SNAP91: variants seen among roughly 807,000 people sequenced by gnomAD.
SNAP91 encodes synaptosome associated protein 91.
SNAP91 carries 27 observed loss-of-function variants against 100.3 expected under a neutral mutation model. The observed-to-expected ratio is 0.27, with a 90% confidence interval of 0.20 to 0.37. The LOEUF is 0.37. Among genes scored for constraint, SNAP91 ranks in the 10% least tolerant of loss-of-function variants. The probability of loss-of-function intolerance (pLI) is 1.00; values close to 1 mark genes in which losing one functional copy is unlikely to be tolerated. For synonymous variants in SNAP91, 404 were observed against 398.6 expected (o/e 1.01, Z -0.16); for missense variants, 986 against 1,123.7 (o/e 0.88, Z 1.75).
intron 8 of SNAP91, among the ~76,000 whole-genome samples, chr6:83,626,328 C>T (rs2096928114): frequency 6.6e-6 from 1 of 151,952 alleles, no homozygotes; most frequent in Non-Finnish European, 1.5e-5. Flanking sequence ...CTTAAGATTG[C>T]TTTGGCTATT....
At chr6:83,615,368 C>T (rs1024653465) in intron 10 of SNAP91, among the ~76,000 whole-genome samples, 1 of 152,160 alleles carries the variant, frequency 6.6e-6, no homozygotes, top group South Asian at 2.1e-4. Flanking sequence ...TTAACTTTAG[C>T]GGATGTACAT....
At chr6:83,680,665 T>G (rs1420874670) in intron 2 of SNAP91, among the ~76,000 whole-genome samples, 1 of 152,122 alleles carries the variant, frequency 6.6e-6, no homozygotes, top group Non-Finnish European at 1.5e-5. Context: ...CTAGAACAAG[T>G]TTCTTAGCCT....
rs968046591 is a variant in SNAP91 at position 83,593,459 on chromosome 6, A to C, written c.1696+19T>G. On this transcript the variant is annotated intron_variant, in intron 18 of 29. Coordinates refer to ENST00000369694, the MANE Select transcript of SNAP91 (RefSeq NM_001242792.2). Reference sequence around the variant, plus strand: ...ATCCACTAGACGGAAAGAGGTCGACAACAATAACAAAAAATTACCACCAAA... The same window carrying C: ...ATCCACTAGACGGAAAGAGGTCGACCACAATAACAAAAAATTACCACCAAA... 2 of 1,548,530 alleles carry C rather than the reference A, an allele frequency of 1.3e-6. No homozygotes were observed. The highest frequency in any genetic ancestry group is 1.7e-6 in the Non-Finnish European group (2 of 1,144,364).
At chr6:83,675,192 G>A (rs187764967) in intron 2 of SNAP91, among the ~76,000 whole-genome samples, 24 of 152,220 alleles carry the variant, frequency 1.6e-4, no homozygotes, top group Non-Finnish European at 2.9e-4. Context: ...GAGATAAAGG[G>A]GAGCAGCTTA....
chr6:83,654,813 G>A (rs1385172043), intron 7 of SNAP91, among the ~76,000 whole-genome samples: 1 of 152,120 alleles, frequency 6.6e-6, no homozygotes, highest in East Asian at 1.9e-4. Context: ...CTAATGTGCA[G>A]GTTTCCAGAT....
At chr6:83,673,381 G>A (rs2128850091) in intron 2 of SNAP91, among the ~76,000 whole-genome samples, 1 of 152,230 alleles carries the variant, frequency 6.6e-6, no homozygotes, top group South Asian at 2.1e-4. Context: ...GGCACAATGA[G>A]AAGTCAGCAG....
intron 13 of SNAP91, 72 bp from the exon 14 acceptor site, chr6:83,605,875 A>T (rs2095577869): frequency 8.4e-7 from 1 of 1,195,750 alleles, no homozygotes; most frequent in Non-Finnish European, 1.2e-6. Context: ...GAATAAAGAC[A>T]TGCAGAAATC....
chr6:83,653,990 C>G (rs1200267767), intron 7 of SNAP91, among the ~76,000 whole-genome samples: 1 of 152,128 alleles, frequency 6.6e-6, no homozygotes, highest in African/African-American at 2.4e-5. Context: ...AGTGCTCTGG[C>G]ATATTTCAAA....
At chr6:83,660,067 T>C (rs968524934) in intron 5 of SNAP91, among the ~76,000 whole-genome samples, 7 of 152,190 alleles carry the variant, frequency 4.6e-5, no homozygotes, top group Non-Finnish European at 1.0e-4. Flanking sequence ...CCAGATGATG[T>C]GGACATGCTG....
chr6:83,600,818 C>G (rs2095106691), intron 16 of SNAP91, among the ~76,000 whole-genome samples: 1 of 152,182 alleles, frequency 6.6e-6, no homozygotes, highest in Non-Finnish European at 1.5e-5. Flanking sequence ...CTGAATTACT[C>G]TTAGATTATT....
chr6:83,567,318 C>A (rs971215), intron 26 of SNAP91, among the ~76,000 whole-genome samples: 49,687 of 152,066 alleles, frequency 0.33, 9,856 homozygotes, highest in Non-Finnish European at 0.44. Flanking sequence ...CAAATGTCTT[C>A]CCACTTGTTC....
chr6:83,587,751 A>T (rs1449816187), intron 22 of SNAP91, among the ~76,000 whole-genome samples: 1 of 152,202 alleles, frequency 6.6e-6, no homozygotes, highest in African/African-American at 2.4e-5. Flanking sequence ...GTTTATTAGC[A>T]GAATTTTTTT....
intron 2 of SNAP91, among the ~76,000 whole-genome samples, chr6:83,675,457 A>C (rs1171904798): frequency 6.6e-6 from 1 of 152,122 alleles, no homozygotes; most frequent in African/African-American, 2.4e-5. Context: ...TAGTTTCTAA[A>C]CTATTTCAGT....
chr6:83,707,956 T>C lies in SNAP91; in HGVS notation c.-29A>G. ...CTGTGGTCGCGTCTACCGCCTCCTC[T>C]TCTGCAGGAAACAAGGGGAGACGGT... On this transcript the variant is annotated splice_region_variant and 5_prime_UTR_variant, in exon 2 of 30. Transcript: ENST00000369694. 1 of 1,554,228 alleles carries C rather than the reference T, an allele frequency of 6.4e-7. No homozygotes were observed. The highest frequency in any genetic ancestry group is 2.1e-5 in the Admixed American group (1 of 47,760).
chr6:83,701,005 A>G (rs2099293857), intron 2 of SNAP91, among the ~76,000 whole-genome samples: 1 of 152,214 alleles, frequency 6.6e-6, no homozygotes, highest in African/African-American at 2.4e-5. Flanking sequence ...TCCGATAGCA[A>G]TTCTAAGATT....
At chr6:83,685,402 G>A (rs1013297384) in intron 2 of SNAP91, among the ~76,000 whole-genome samples, 12 of 152,126 alleles carry the variant, frequency 7.9e-5, no homozygotes, top group Admixed American at 3.3e-4. Flanking sequence ...TAAATACTTC[G>A]GCTTTCCTTG....
chr6:83,617,973 G>A (rs2096568430), intron 9 of SNAP91, among the ~76,000 whole-genome samples: 1 of 151,734 alleles, frequency 6.6e-6, no homozygotes, highest in Non-Finnish European at 1.5e-5. Context: ...TTAAATTAAT[G>A]TGAAATTAAT....
chr6:83,601,429 G>C lies in SNAP91; in HGVS notation c.1166C>G (p.Ala389Gly), dbSNP rs574062507. Reference protein sequence around the residue: ...WGDLLGEDSLAALSSVPSEAQ... With the variant: ...WGDLLGEDSLGALSSVPSEAQ... ...TTCAGAGGGAACAGAGGAAAGTGCAGCCAAAGAATCTATATTTCACCAGAG... is the reference window on the plus strand; with the variant it reads ...TTCAGAGGGAACAGAGGAAAGTGCACCCAAAGAATCTATATTTCACCAGAG... The change falls in exon 16 of 30, where the codon GCT becomes GGT. Residue 389 changes from alanine to glycine, a missense_variant. Transcript: ENST00000369694. 6.2e-7 allele frequency: 1 copy of C among 1,613,602 alleles called. No homozygotes were observed. The highest frequency in any genetic ancestry group is 1.3e-5 in the African/African-American group (1 of 75,036).
At chr6:83,666,738 T>C (rs961907264) in intron 2 of SNAP91, among the ~76,000 whole-genome samples, 2 of 152,128 alleles carry the variant, frequency 1.3e-5, no homozygotes, top group African/African-American at 4.8e-5. Flanking sequence ...TTTATACTGA[T>C]TTTAAATTTC....
Sources: allele counts gnomAD v4.1 joint callset (sites outside exome capture counted in the v4.1 genomes callset), GRCh38; gene constraint gnomAD v4.1.1; transcripts MANE v1.5; gene names NCBI Gene and HGNC (gene_info 2026-07-23, HGNC 2026-07-21).